KLHL2: variants seen among roughly 807,000 people sequenced by gnomAD.
KLHL2 encodes the protein kelch-like protein 2.
In KLHL2, 15 loss-of-function variants were observed where a neutral mutation model predicts 75.8. The observed-to-expected ratio is 0.20, with a 90% confidence interval of 0.13 to 0.30. The LOEUF (loss-of-function observed/expected upper bound fraction) is 0.30, where lower values mean the gene tolerates loss of function less well. Among genes scored for constraint, KLHL2 ranks in the 10% least tolerant of loss-of-function variants. KLHL2 has a pLI of 1.00. For synonymous variants in KLHL2, 214 were observed against 251.9 expected (o/e 0.85, Z 1.42); for missense variants, 381 against 741.0 (o/e 0.51, Z 5.64).
intron 5 of KLHL2, among the ~76,000 whole-genome samples, chr4:165,293,811 C>T (rs529001150): frequency 7.9e-4 from 120 of 152,016 alleles, no homozygotes; most frequent in Non-Finnish European, 9.7e-4. Context: ...CCACTGCGCC[C>T]GGCCCAATTC....
chr4:165,311,809 C>CTGTGTGTG (rs60870309), intron 11 of KLHL2, among the ~76,000 whole-genome samples: 7,566 of 144,764 alleles, frequency 0.052, 242 homozygotes, highest in Middle Eastern at 0.1. Flanking sequence ...TCCTTTCTCT[C>CTGTGTGTG]TGTGTGTGTG....
At chr4:165,291,175 G>A (rs1744476716) in intron 5 of KLHL2, among the ~76,000 whole-genome samples, 1 of 152,080 alleles carries the variant, frequency 6.6e-6, no homozygotes, top group South Asian at 2.1e-4. Context: ...TTGTTTAGTT[G>A]AGTTGTTTAT....
chr4:165,207,796 G>T lies in KLHL2; in HGVS notation c.-81G>T. 1 of 1,254,132 alleles carries T rather than the reference G, an allele frequency of 8.0e-7. No individual in the cohort carries two copies. The allele number at this position is 1,254,132 out of a possible 1,614,324, so 77.7% of individuals were successfully genotyped here. ...GCGGATGGAACGCGGCTCGGCGGGC[G>T]GGCAGTGCCGGCGTCCGCGGCTGGA... is the stretch of plus-strand genomic sequence containing the variant. On this transcript the variant is annotated 5_prime_UTR_variant, in exon 1 of 15. Coordinates refer to ENST00000226725, the MANE Select transcript of KLHL2 (RefSeq NM_007246.4). This position sits in a 1 kb window ranked among gnomAD's most constrained non-coding sequence, Gnocchi z 4.2.
At chr4:165,239,952 T>G (rs1276580494) in intron 4 of KLHL2, among the ~76,000 whole-genome samples, 1 of 152,176 alleles carries the variant, frequency 6.6e-6, no homozygotes, top group Non-Finnish European at 1.5e-5. Flanking sequence ...TCTTCACACA[T>G]TAGTGTATAT....
At chr4:165,227,812 A>G (rs902385862) in intron 2 of KLHL2, among the ~76,000 whole-genome samples, 14 of 152,226 alleles carry the variant, frequency 9.2e-5, no homozygotes, top group African/African-American at 3.4e-4. Flanking sequence ...TGCTCACCAC[A>G]TGTTTTTGAG....
At chr4:165,221,446 A>G (rs1737983935) in intron 2 of KLHL2, among the ~76,000 whole-genome samples, 1 of 152,164 alleles carries the variant, frequency 6.6e-6, no homozygotes, top group African/African-American at 2.4e-5. Context: ...ATGCTGTGCC[A>G]CATCTTAGGG....
At chr4:165,229,227 A>C (rs1738693565) in intron 3 of KLHL2, among the ~76,000 whole-genome samples, 1 of 152,198 alleles carries the variant, frequency 6.6e-6, no homozygotes, top group African/African-American at 2.4e-5. Flanking sequence ...AAGCCACTTT[A>C]CATTTTTTAA....
intron 5 of KLHL2, chr4:165,279,310 C>T: frequency 6.4e-7 from 1 of 1,553,954 alleles, no homozygotes; most frequent in Non-Finnish European, 8.9e-7. Flanking sequence ...CAAGCCACAC[C>T]ACAGCATTGT....
intron 5 of KLHL2, among the ~76,000 whole-genome samples, chr4:165,273,048 A>G (rs2126353836): frequency 6.6e-6 from 1 of 152,328 alleles, no homozygotes; most frequent in Middle Eastern, 3.4e-3. Context: ...ATTTTAAAAC[A>G]TCTTTCATTA....
At chr4:165,276,731 T>C (rs1203529800) in intron 5 of KLHL2, among the ~76,000 whole-genome samples, 2 of 152,194 alleles carry the variant, frequency 1.3e-5, no homozygotes, top group Non-Finnish European at 1.5e-5. Context: ...AGCAATTTCT[T>C]ATTCACAATT....
chr4:165,276,627 GA>G (rs566625758), intron 5 of KLHL2, among the ~76,000 whole-genome samples: 225 of 152,142 alleles, frequency 1.5e-3, no homozygotes, highest in African/African-American at 5.2e-3. Context: ...AATATTTTGA[GA>G]AATTCTTGGT....
At position 165,319,174 on chromosome 4, in the gene KLHL2, G is replaced by T. The variant is rs1272663890; in HGVS notation, c.1753+1205G>T. Among the ~76,000 whole-genome samples, 1 of 152,218 alleles carries T rather than the reference G, an allele frequency of 6.6e-6. No individual in the cohort carries two copies. Among genetic ancestry groups the T allele is most frequent in the Non-Finnish European group, 1.5e-5 (1 of 68,034 alleles). On this transcript the variant is annotated intron_variant, in intron 14 of 14. Coordinates refer to ENST00000226725, the MANE Select transcript of KLHL2 (RefSeq NM_007246.4). The surrounding 1 kb of genome is among the most constrained non-coding windows in gnomAD (Gnocchi z 4.5). ...GTATTGGTGAGCTCAGCTGTTGTGAGTATCCACTTAAAAAGCTGTGGGGGG... is the reference window on the plus strand; with the variant it reads ...GTATTGGTGAGCTCAGCTGTTGTGATTATCCACTTAAAAAGCTGTGGGGGG...
At chr4:165,227,772 G>T (rs1285321145) in intron 2 of KLHL2, among the ~76,000 whole-genome samples, 1 of 152,178 alleles carries the variant, frequency 6.6e-6, no homozygotes, top group Non-Finnish European at 1.5e-5. Context: ...TGGAGAGTAT[G>T]ATCTGGCACC....
intron 11 of KLHL2, among the ~76,000 whole-genome samples, chr4:165,311,767 C>T (rs1276761207): frequency 1.3e-5 from 2 of 150,488 alleles, no homozygotes; most frequent in African/African-American, 2.4e-5. Flanking sequence ...AGCCTTTTCT[C>T]TCCCTCTCTA....
intron 1 of KLHL2, among the ~76,000 whole-genome samples, chr4:165,211,680 T>A (rs1236573706): frequency 1.3e-5 from 2 of 152,068 alleles, no homozygotes; most frequent in Non-Finnish European, 2.9e-5. Flanking sequence ...ACAAACAAGG[T>A]AATGGTGAAA....
At chr4:165,301,329 A>G (rs1362138414) in intron 8 of KLHL2, among the ~76,000 whole-genome samples, 1 of 152,226 alleles carries the variant, frequency 6.6e-6, no homozygotes, top group Non-Finnish European at 1.5e-5. Flanking sequence ...AATTATCATC[A>G]CTTAACAAAG....
chr4:165,284,438 C>T (rs371631911), intron 5 of KLHL2, among the ~76,000 whole-genome samples: 3 of 152,138 alleles, frequency 2.0e-5, no homozygotes, highest in East Asian at 1.9e-4. Flanking sequence ...GACAAAATGC[C>T]GCCAGTCTCT....
chr4:165,322,241 G>A lies in KLHL2; in HGVS notation c.*181G>A. On this transcript the variant is annotated 3_prime_UTR_variant, in exon 15 of 15. Coordinates refer to ENST00000226725, the MANE Select transcript of KLHL2 (RefSeq NM_007246.4). ...AGATTATTTTTGGTAGAAGCACCGT[G>A]TAGGCTTTTTCTGCAATGAGCAGCA... The A allele has an allele frequency of 6.7e-6, 4 of 596,502 alleles. No individual in the cohort carries two copies. The highest frequency in any genetic ancestry group is 4.3e-5 in the South Asian group (2 of 46,514). 37.0% of individuals were successfully genotyped at this position (596,502 alleles called of 1,614,324 possible). A position where few individuals can be genotyped will look rare whatever the true frequency, so the allele number is the denominator to read the frequency against.
intron 7 of KLHL2, 101 bp downstream of exon 7, chr4:165,297,826 G>C (rs1745029918): frequency 2.5e-6 from 2 of 802,756 alleles, no homozygotes; most frequent in African/African-American, 1.7e-5. Context: ...GTAGAATGCA[G>C]ATCTGTGGAG....
Sources: allele counts gnomAD v4.1 joint callset (sites outside exome capture counted in the v4.1 genomes callset), GRCh38; gene constraint gnomAD v4.1.1; non-coding constraint Gnocchi (gnomAD v3.1); transcripts MANE v1.5; gene names NCBI Gene and HGNC (gene_info 2026-07-23, HGNC 2026-07-21).